The following ERC1 variants were observed in gnomAD, a reference collection of about 807,000 sequenced individuals.
ERC1 encodes RAB6 interacting protein 2.
A neutral mutation model predicts 132.0 loss-of-function variants in ERC1; 56 were observed. The ratio of observed to expected loss-of-function variants is 0.42; its 90% CI spans 0.34 to 0.53. ERC1 has a LOEUF of 0.53. ERC1 is among the 20% of genes least tolerant of loss of function. The pLI is 0.03. For missense variants in ERC1, 1,202 were observed against 1,349.9 expected (o/e 0.89, Z 1.72); for synonymous variants, 478 against 476.1 (o/e 1.00, Z -0.05).
chr12:1,052,618 C>G (rs964676682), intron 2 of ERC1, among the ~76,000 whole-genome samples: 1 of 152,126 alleles, frequency 6.6e-6, no homozygotes, highest in African/African-American at 2.4e-5. Flanking sequence ...AAAAACAGTA[C>G]AGTCTAGATT....
intron 17 of ERC1, among the ~76,000 whole-genome samples, chr12:1,424,768 A>C (rs1486104662): frequency 6.6e-6 from 1 of 151,962 alleles, no homozygotes; most frequent in Non-Finnish European, 1.5e-5. Context: ...GTCTGCTGAA[A>C]GTGTGTCTTG....
At chr12:1,012,958 ATTAG>A in intron 1 of ERC1, among the ~76,000 whole-genome samples, 1 of 152,266 alleles carries the variant, frequency 6.6e-6, no homozygotes, top group South Asian at 2.1e-4. Context: ...TTACTATCAT[ATTAG>A]TTATAAATTT....
chr12:1,178,857 A>G (rs1254117033), intron 8 of ERC1, among the ~76,000 whole-genome samples: 1 of 152,100 alleles, frequency 6.6e-6, no homozygotes, highest in African/African-American at 2.4e-5. Context: ...CTAGAATGTA[A>G]GCTCCATGAA....
At chr12:1,378,989 C>T (rs769632702) in intron 16 of ERC1, among the ~76,000 whole-genome samples, 9 of 152,100 alleles carry the variant, frequency 5.9e-5, no homozygotes, top group Non-Finnish European at 8.8e-5. Flanking sequence ...CAAATATTGA[C>T]GAATTTAGGG....
intron 3 of ERC1, among the ~76,000 whole-genome samples, chr12:1,103,798 A>G (rs1944936359): frequency 1.3e-5 from 2 of 152,164 alleles, no homozygotes; most frequent in Non-Finnish European, 2.9e-5. Flanking sequence ...TTGGCCTCCC[A>G]AAGTGCTGGG....
intron 18 of ERC1, among the ~76,000 whole-genome samples, chr12:1,447,825 A>G (rs990769473): frequency 3.2e-4 from 49 of 151,722 alleles, no homozygotes; most frequent in African/African-American, 1.2e-3. Flanking sequence ...GATTTTTTGT[A>G]TTTTAGTAGA....
At chr12:1,299,388 T>C (rs1594852188) in intron 15 of ERC1, among the ~76,000 whole-genome samples, 1 of 152,308 alleles carries the variant, frequency 6.6e-6, no homozygotes, top group Admixed American at 6.5e-5. Flanking sequence ...GTTTGGAAAT[T>C]AGATAACATA....
chr12:1,287,159 T>G (rs1406814310), intron 14 of ERC1, among the ~76,000 whole-genome samples: 1 of 152,230 alleles, frequency 6.6e-6, no homozygotes, highest in Non-Finnish European at 1.5e-5. Context: ...TAAGATAGAA[T>G]AGATTTTTAA....
intron 18 of ERC1, among the ~76,000 whole-genome samples, chr12:1,474,121 A>C (rs2093924102): frequency 6.6e-6 from 1 of 152,216 alleles, no homozygotes; most frequent in African/African-American, 2.4e-5. Context: ...AGACCTGGCC[A>C]GGACGAGCAC....
intron 12 of ERC1, among the ~76,000 whole-genome samples, chr12:1,205,877 C>G (rs979148152): frequency 1.3e-5 from 2 of 152,032 alleles, no homozygotes; most frequent in African/African-American, 2.4e-5. Context: ...ATAGTTAGTC[C>G]TTTGCACGAC....
intron 16 of ERC1, among the ~76,000 whole-genome samples, chr12:1,385,152 G>A (rs565735394): frequency 1.3e-5 from 2 of 152,316 alleles, no homozygotes; most frequent in East Asian, 3.9e-4. Context: ...CCAGTGAAAG[G>A]ACACAGTTGC....
chr12:1,490,700 A>T lies in ERC1; in HGVS notation c.*470A>T. 1 of 234,782 alleles carries T rather than the reference A, an allele frequency of 4.3e-6. No individual in the cohort carries two copies. The highest frequency in any genetic ancestry group is 8.4e-6 in the Non-Finnish European group (1 of 119,074). 14.5% of individuals were successfully genotyped at this position (234,782 alleles called of 1,614,324 possible). A position where few individuals can be genotyped will look rare whatever the true frequency, so the allele number is the denominator to read the frequency against. ...GGTGCTTTCTCCTAAAAGGGCAAAA[A>T]ACAATCTCAAAAAGATTAGAAAAAG... On this transcript the variant is annotated 3_prime_UTR_variant, in exon 19 of 19. Transcript: ENST00000360905.
At chr12:1,160,701 ACT>A (rs1054088112) in intron 8 of ERC1, among the ~76,000 whole-genome samples, 9 of 151,732 alleles carry the variant, frequency 5.9e-5, no homozygotes, top group East Asian at 1.9e-4. Context: ...AAAGAACAAG[ACT>A]CTGCCAAAAA....
intron 15 of ERC1, among the ~76,000 whole-genome samples, chr12:1,329,293 CAAAA>C (rs537261329): frequency 3.6e-5 from 3 of 83,404 alleles, no homozygotes; most frequent in African/African-American, 4.7e-5. Context: ...GACTCTGAAT[CAAAA>C]AAAAAAAAAA....
At chr12:1,425,955 C>T (rs574422954) in intron 17 of ERC1, among the ~76,000 whole-genome samples, 12 of 152,236 alleles carry the variant, frequency 7.9e-5, no homozygotes, top group African/African-American at 2.9e-4. Flanking sequence ...TTTCTTGAGG[C>T]ACCGATGTAA....
At chr12:1,255,982 A>G (rs1292344988) in intron 13 of ERC1, among the ~76,000 whole-genome samples, 1 of 151,760 alleles carries the variant, frequency 6.6e-6, no homozygotes, top group African/African-American at 2.4e-5. Context: ...TTTGATTTGC[A>G]TTTCTCTAAT....
intron 15 of ERC1, among the ~76,000 whole-genome samples, chr12:1,357,044 C>T (rs985239566): frequency 6.6e-6 from 1 of 152,214 alleles, no homozygotes; most frequent in African/African-American, 2.4e-5. Flanking sequence ...TCCCAGCATG[C>T]ACTCATATAT....
At chr12:1,199,761 A>G (rs1687334239) in intron 12 of ERC1, among the ~76,000 whole-genome samples, 1 of 152,056 alleles carries the variant, frequency 6.6e-6, no homozygotes, top group Admixed American at 6.5e-5. Flanking sequence ...CTGGGCAACA[A>G]GAGTGAAACT....
At chr12:1,127,325 A>G (rs1001813531) in intron 7 of ERC1, among the ~76,000 whole-genome samples, 1 of 152,174 alleles carries the variant, frequency 6.6e-6, no homozygotes, top group Middle Eastern at 3.2e-3. Context: ...ACAAAAGGAC[A>G]TGTATAAGGA....
Sources: gnomAD v4.1 joint callset for allele counts (sites outside exome capture counted in the v4.1 genomes callset) on GRCh38, gnomAD v4.1.1 for gene constraint, MANE v1.5 for transcripts, NCBI Gene and HGNC (gene_info 2026-07-23, HGNC 2026-07-21) for gene names.